GGT5: variants seen among roughly 807,000 people sequenced by gnomAD.
GGT5 encodes the protein gamma-glutamyltransferase 5.
A neutral mutation model predicts 58.1 loss-of-function variants in GGT5; 50 were observed. The ratio of observed to expected loss-of-function variants is 0.86; its 90% CI spans 0.69 to 1.09. The LOEUF (loss-of-function observed/expected upper bound fraction) is 1.09, where lower values mean the gene tolerates loss of function less well. Among genes scored for constraint, GGT5 ranks in the 50% least tolerant of loss-of-function variants. The pLI is 0.00. For synonymous variants in GGT5, 370 were observed against 346.1 expected, an observed-to-expected ratio of 1.07 and a Z score of -0.77; for missense variants, 800 against 789.4, an observed-to-expected ratio of 1.01 and a Z score of -0.16.
intron 1 of GGT5, chr22:24,243,093 A>G (rs938267059): frequency 6.6e-6 from 1 of 152,016 alleles, no homozygotes; most frequent in African/African-American, 2.4e-5. Flanking sequence ...GCAGGTCCAG[A>G]CTCCACCTAG....
chr22:24,234,339 G>C (rs1324547850), intron 1 of GGT5, among the ~76,000 whole-genome samples: 1 of 152,180 alleles, frequency 6.6e-6, no homozygotes, highest in Non-Finnish European at 1.5e-5. Context: ...CCACCTCTCA[G>C]TCCCTCACAG....
At chr22:24,225,146 C>T in intron 10 of GGT5, 40 bp from the exon 11 acceptor site, 6 of 1,575,920 alleles carry the variant, frequency 3.8e-6, no homozygotes, top group Non-Finnish European at 5.2e-6. Context: ...AAGGGGGCAC[C>T]CTGCTACCCT....
At chr22:24,224,167 A>C (rs984087507) in intron 11 of GGT5, among the ~76,000 whole-genome samples, 1 of 152,100 alleles carries the variant, frequency 6.6e-6, no homozygotes, top group African/African-American at 2.4e-5. Context: ...GTCAGCCAGA[A>C]GAATTCAGCC....
Position 24,232,750 on chromosome 22 carries a change from C to G in GGT5, c.596+73G>C, listed in dbSNP as rs1384518686. ...CAGTGTAAGAGGGACTGAGGCAGAG[C>G]TGGGGTGTGGACTGGGCCCAGACAG... On this transcript the variant is annotated intron_variant, in intron 4 of 11. Transcript: ENST00000327365. 18 of 1,051,564 alleles carry G rather than the reference C, an allele frequency of 1.7e-5. No homozygotes were observed. The East Asian group carries it at 5.2e-4, about 31-fold the overall frequency. The allele number at this position is 1,051,564 out of a possible 1,614,324, so 65.1% of individuals were successfully genotyped here. A position where few individuals can be genotyped will look rare whatever the true frequency, so the allele number is the denominator to read the frequency against.
At chr22:24,228,072 C>CAAAAACA (rs2047827908) in intron 6 of GGT5, among the ~76,000 whole-genome samples, 1 of 51,868 alleles carries the variant, frequency 1.9e-5, no homozygotes, top group Non-Finnish European at 3.9e-5. Flanking sequence ...AAAAACAAAA[C>CAAAAACA]AAAAAAAAAA....
chr22:24,236,063 G>A (rs1262131280), intron 1 of GGT5, among the ~76,000 whole-genome samples: 1 of 151,920 alleles, frequency 6.6e-6, no homozygotes, highest in Non-Finnish European at 1.5e-5. Flanking sequence ...GTAACTCCCC[G>A]ACTTTAACTC....
intron 1 of GGT5, among the ~76,000 whole-genome samples, chr22:24,235,960 G>T (rs1340497032): frequency 6.6e-6 from 1 of 152,152 alleles, no homozygotes; most frequent in East Asian, 1.9e-4. Flanking sequence ...GATGTTGGGG[G>T]CCCCAGGCTT....
chr22:24,232,317 G>C lies in GGT5; in HGVS notation c.597-109C>G, dbSNP rs542302873. On this transcript the variant is annotated intron_variant, in intron 4 of 11. Transcript: ENST00000327365. ...AGGACCCTACAGTGGGGGGCGCCCT[G>C]GCCCAGGGTCCCGAGGCACTGGGGT... 208 of 596,342 alleles carry C rather than the reference G, an allele frequency of 3.5e-4. 1 individual carries two copies. Among genetic ancestry groups the C allele is most frequent in the South Asian group, 5.9e-4 (28 of 47,498 alleles). 36.9% of individuals were successfully genotyped at this position (596,342 alleles called of 1,614,324 possible). A position where few individuals can be genotyped will look rare whatever the true frequency, so the allele number is the denominator to read the frequency against.
intron 1 of GGT5, chr22:24,244,313 ACACC>A (rs748213579): frequency 0.018 from 7,552 of 422,840 alleles, 22 homozygotes; most frequent in African/African-American, 0.023. Context: ...ACACACACAC[ACACC>A]CACCCACACA....
intron 11 of GGT5, among the ~76,000 whole-genome samples, chr22:24,222,999 G>A (rs1601371064): frequency 6.6e-6 from 1 of 152,040 alleles, no homozygotes; most frequent in Non-Finnish European, 1.5e-5. Flanking sequence ...ATGAGGCAGG[G>A]GAATGGCGTG....
chr22:24,239,492 T>G (rs1456188978), intron 1 of GGT5, among the ~76,000 whole-genome samples: 1 of 152,136 alleles, frequency 6.6e-6, no homozygotes. Context: ...ATCTGGGATT[T>G]GCACTGAAAT....
chr22:24,232,974 C>G lies in GGT5; in HGVS notation c.445G>C (p.Glu149Gln), dbSNP rs768842264. ...AGGCGGCCATGGCGGCGGTGGGCCTCGGCATAGCCACGGAGCTCCCCGGGC... is the reference window on the plus strand; with the variant it reads ...AGGCGGCCATGGCGGCGGTGGGCCTGGGCATAGCCACGGAGCTCCCCGGGC... ...GVPGELRGYA[E>Q]AHRRHGRLPW... The change falls in exon 4 of 12, where the codon GAG (glutamate) becomes CAG (glutamine). Residue 149 changes from glutamate (E) to glutamine (Q), a missense_variant. Coordinates refer to ENST00000327365, the MANE Select transcript of GGT5 (RefSeq NM_004121.5). 6.4e-7 allele frequency: 1 copy of G among 1,561,394 alleles called. No individual in the cohort carries two copies. Among genetic ancestry groups the G allele is most frequent in the Non-Finnish European group, 8.7e-7 (1 of 1,153,380 alleles).
chr22:24,244,689 G>A lies in GGT5; in HGVS notation c.37C>T (p.Leu13=). The change falls in exon 1 of 12, where the codon CTG becomes TTG. Residue 13 remains leucine (L), a synonymous_variant. Coordinates refer to ENST00000327365, the MANE Select transcript of GGT5 (RefSeq NM_004121.5). ...RGYGATVSLV[L]LGLGLALAVI... is the part of the protein sequence containing the mutation. The stretch of plus-strand genomic sequence containing the variant: ...GCCAGCGCCAGCCCCAGACCCAGCA[G>A]GACTAGGCTGACCGTGGCCCCGTAG... The A allele has an allele frequency of 1.9e-6, 3 of 1,612,648 alleles. No homozygotes were observed. Among genetic ancestry groups the A allele is most frequent in the Admixed American group, 1.7e-5 (1 of 60,002 alleles).
intron 1 of GGT5, among the ~76,000 whole-genome samples, chr22:24,238,813 T>TATTA (rs1445787088): frequency 1.6e-3 from 2 of 1,256 alleles, no homozygotes; most frequent in African/African-American, 3.8e-3. Flanking sequence ...ATATAATATA[T>TATTA]TATATATATA....
At position 24,233,985 on chromosome 22, in the gene GGT5, C is replaced by G. The variant is rs1168323743; in HGVS notation, c.193G>C (p.Gly65Arg). 1 of 1,612,012 alleles carries G rather than the reference C, an allele frequency of 6.2e-7. No individual in the cohort carries two copies. Residue 65 changes from glycine to arginine, a missense_variant, in exon 2 of 12, where the codon GGC becomes CGC. Transcript: ENST00000327365. The stretch of plus-strand genomic sequence containing the variant: ...GCGATGGTGGCATCCACGGGTGAGC[C>G]CTGCTGCTGGAGGATGGCTCTAGGG... ...DIGRAILQQQ[G>R]SPVDATIAAL...
At chr22:24,226,297 T>C (rs2148895778) in intron 7 of GGT5, 31 bp from the exon 8 acceptor site, 4 of 1,542,448 alleles carry the variant, frequency 2.6e-6, no homozygotes, top group South Asian at 1.2e-5. Context: ...GCAGGGTCAG[T>C]GAGGGGCCAG....
intron 3 of GGT5, among the ~76,000 whole-genome samples, chr22:24,233,268 C>T (rs920196557): frequency 5.9e-5 from 9 of 152,360 alleles, no homozygotes; most frequent in African/African-American, 2.2e-4. Flanking sequence ...CTGAACCCTC[C>T]AGGCCTTTGT....
At position 24,244,468 on chromosome 22, in the gene GGT5, A is replaced by ACT. The variant is rs1215574661; in HGVS notation, c.173+83_173+84dup. On this transcript the variant is annotated intron_variant, in intron 1 of 11. Transcript: ENST00000327365. ...CACACACACACCCACACATACATTC[A>ACT]CTCACACACACACACACACACACGC... 6 of 1,129,462 alleles carry ACT rather than the reference A, an allele frequency of 5.3e-6. No homozygotes were observed. In the African/African-American group the frequency reaches 6.5e-5, roughly 12 times the overall value. The allele number at this position is 1,129,462 out of a possible 1,614,324, so 70.0% of individuals were successfully genotyped here.
chr22:24,234,027 G>C, intron 1 of GGT5, 23 bp from the exon 2 acceptor site: 1 of 1,582,568 alleles, frequency 6.3e-7, no homozygotes, highest in Non-Finnish European at 8.6e-7. Context: ...GCACAGAGTC[G>C]CTGTGGGGCT....
Sources: gnomAD v4.1 joint callset for allele counts (sites outside exome capture counted in the v4.1 genomes callset) on GRCh38, gnomAD v4.1.1 for gene constraint, MANE v1.5 for transcripts, NCBI Gene and HGNC (gene_info 2026-07-23, HGNC 2026-07-21) for gene names.